NALF1: variants seen among roughly 807,000 people sequenced by gnomAD.
NALF1 encodes family with sequence similarity 155 member A.
Under a neutral mutation model 48.4 loss-of-function variants are expected in NALF1, and 3 were observed. That is an observed-to-expected ratio of 0.06 (90% CI 0.03 to 0.16). The LOEUF (loss-of-function observed/expected upper bound fraction) is 0.16. Ranked by LOEUF, NALF1 falls within the 10% of genes least tolerant of loss-of-function variation. The pLI, the probability that NALF1 is intolerant of heterozygous loss-of-function variation, is 1.00. For missense variants in NALF1, 526 were observed against 571.5 expected (o/e 0.92, Z 0.81); for synonymous variants, 262 against 245.7 (o/e 1.07, Z -0.62).
chr13:107,858,079 T>C (rs1232013047), intron 1 of NALF1, among the ~76,000 whole-genome samples: 1 of 152,254 alleles, frequency 6.6e-6, no homozygotes, highest in Non-Finnish European at 1.5e-5. Context: ...CGTGTTCTTC[T>C]GATCTTCACA....
chr13:107,648,323 G>A (rs1364077799), intron 1 of NALF1, among the ~76,000 whole-genome samples: 2 of 152,022 alleles, frequency 1.3e-5, no homozygotes, highest in Non-Finnish European at 2.9e-5. Context: ...AACATCCTTT[G>A]TGCTCCACCT....
At chr13:107,736,310 C>A (rs193081894) in intron 1 of NALF1, among the ~76,000 whole-genome samples, 1 of 152,006 alleles carries the variant, frequency 6.6e-6, no homozygotes, top group East Asian at 1.9e-4. Flanking sequence ...AGTGCAGTGG[C>A]GGCGGCGGCA....
rs573177253 is a variant in NALF1 at position 107,561,018 on chromosome 13, C to A, written c.915+304664G>T. Among the ~76,000 whole-genome samples, 153 of 152,272 alleles carry A rather than the reference C, an allele frequency of 1.0e-3. 1 individual carries two copies. Among genetic ancestry groups the A allele is most frequent in the African/African-American group, 3.6e-3 (148 of 41,554 alleles). On this transcript the variant is annotated intron_variant, in intron 1 of 2. Transcript: ENST00000375915. Reference sequence around the variant, plus strand: ...GTTCATTATTTTGTGTCATTATACACGTGTTCTAAGTGTTAAATGTTGAAT... The same window carrying A: ...GTTCATTATTTTGTGTCATTATACAAGTGTTCTAAGTGTTAAATGTTGAAT...
At chr13:107,789,020 G>A (rs1172958540) in intron 1 of NALF1, 1 of 152,156 alleles carries the variant, frequency 6.6e-6, no homozygotes, top group Non-Finnish European at 1.5e-5. Flanking sequence ...TTCTGACTGT[G>A]GTGAGGAAAC....
chr13:107,279,041 TTC>T, intron 1 of NALF1, among the ~76,000 whole-genome samples: 9 of 114,412 alleles, frequency 7.9e-5, no homozygotes, highest in Admixed American at 3.1e-4. Context: ...TTTTCTTTTC[TTC>T]TTTTTTTTTT....
At chr13:107,376,143 T>TC (rs1209207648) in intron 1 of NALF1, among the ~76,000 whole-genome samples, 23 of 152,136 alleles carry the variant, frequency 1.5e-4, no homozygotes, top group Non-Finnish European at 1.5e-4. Flanking sequence ...AAATAAGGCC[T>TC]CCTGCCAACA....
At chr13:107,732,043 A>G (rs1876324204) in intron 1 of NALF1, among the ~76,000 whole-genome samples, 1 of 152,166 alleles carries the variant, frequency 6.6e-6, no homozygotes, top group African/African-American at 2.4e-5. Context: ...GACTTAGTCC[A>G]CGTAGGTTAT....
intron 1 of NALF1, among the ~76,000 whole-genome samples, chr13:107,317,896 A>G (rs1447982360): frequency 6.6e-6 from 1 of 151,994 alleles, no homozygotes; most frequent in East Asian, 1.9e-4. Context: ...TAAAGAAAAG[A>G]AGCAAAAACT....
intron 1 of NALF1, among the ~76,000 whole-genome samples, chr13:107,317,317 A>G (rs1594117625): frequency 6.6e-6 from 1 of 152,102 alleles, no homozygotes; most frequent in East Asian, 1.9e-4. Context: ...TTAATAAACT[A>G]TCATTAAAGC....
intron 1 of NALF1, among the ~76,000 whole-genome samples, chr13:107,671,017 T>A (rs760924284): frequency 5.9e-5 from 9 of 152,136 alleles, no homozygotes; most frequent in Non-Finnish European, 1.2e-4. Context: ...AATCAGTCAT[T>A]GAATCTCTCA....
At chr13:107,409,824 C>A (rs569075481) in intron 1 of NALF1, among the ~76,000 whole-genome samples, 8 of 152,276 alleles carry the variant, frequency 5.3e-5, no homozygotes, top group African/African-American at 1.9e-4. Flanking sequence ...TACATAAAGA[C>A]ACCATACAGC....
At chr13:107,423,138 C>T (rs747604626) in intron 1 of NALF1, among the ~76,000 whole-genome samples, 1 of 152,166 alleles carries the variant, frequency 6.6e-6, no homozygotes. Flanking sequence ...CTCTGAAATA[C>T]ATCAGTTTTG....
chr13:107,270,589 TA>T (rs1219536763), intron 1 of NALF1, among the ~76,000 whole-genome samples: 1 of 151,948 alleles, frequency 6.6e-6, no homozygotes, highest in Non-Finnish European at 1.5e-5. Context: ...TTGATTACAT[TA>T]ATTTTCTGTG....
chr13:107,315,465 T>C (rs1882129610), intron 1 of NALF1, among the ~76,000 whole-genome samples: 1 of 152,152 alleles, frequency 6.6e-6, no homozygotes, highest in Admixed American at 6.6e-5. Flanking sequence ...AAGTCTTCTA[T>C]AATCTACCTT....
intron 1 of NALF1, among the ~76,000 whole-genome samples, chr13:107,676,826 C>T (rs1881139926): frequency 6.6e-6 from 1 of 152,010 alleles, no homozygotes; most frequent in Non-Finnish European, 1.5e-5. Context: ...GCCTACAAAA[C>T]TATTTGACTT....
intron 1 of NALF1, among the ~76,000 whole-genome samples, chr13:107,767,922 A>G (rs1472719960): frequency 5.9e-5 from 9 of 152,322 alleles, no homozygotes; most frequent in East Asian, 3.9e-4. Flanking sequence ...AGATGTATGA[A>G]GTAGAGACAC....
intron 1 of NALF1, among the ~76,000 whole-genome samples, chr13:107,312,246 A>T (rs1367059362): frequency 6.6e-6 from 1 of 152,194 alleles, no homozygotes; most frequent in African/African-American, 2.4e-5. Flanking sequence ...GCAGCCATAA[A>T]AAATGATGAT....
intron 1 of NALF1, among the ~76,000 whole-genome samples, chr13:107,512,509 G>C (rs1254521705): frequency 1.3e-5 from 2 of 152,214 alleles, no homozygotes; most frequent in African/African-American, 4.8e-5. Context: ...AGGGTCCTTG[G>C]CTTTGTCCAG....
At chr13:107,696,524 A>G (rs769971178) in intron 1 of NALF1, among the ~76,000 whole-genome samples, 2 of 150,434 alleles carry the variant, frequency 1.3e-5, no homozygotes, top group Non-Finnish European at 3.0e-5. Flanking sequence ...GGAGTATGTG[A>G]GTGAAGTACT....
Sources: gnomAD v4.1 joint callset for allele counts (sites outside exome capture counted in the v4.1 genomes callset) on GRCh38, gnomAD v4.1.1 for gene constraint, MANE v1.5 for transcripts, NCBI Gene and HGNC (gene_info 2026-07-23, HGNC 2026-07-21) for gene names.